Variants in PRKG1 observed in about 807,000 individuals in gnomAD.
PRKG1 encodes the protein protein kinase cGMP-dependent 1.
In PRKG1, 35 loss-of-function variants were observed where a neutral mutation model predicts 88.1. The observed-to-expected ratio is 0.40, with a 90% CI of 0.30 to 0.53. The LOEUF is 0.53. PRKG1 is among the 20% of genes least tolerant of loss of function. The probability of loss-of-function intolerance (pLI) is 0.59; values close to 1 mark genes in which losing one functional copy is unlikely to be tolerated. For missense variants in PRKG1, 540 were observed against 839.8 expected, an observed-to-expected ratio of 0.64 and a Z score of 4.41; for synonymous variants, 303 against 292.5, an observed-to-expected ratio of 1.04 and a Z score of -0.37.
intron 2 of PRKG1, among the ~76,000 whole-genome samples, chr10:51,218,374 C>T (rs1838426367): frequency 1.3e-5 from 2 of 151,312 alleles, no homozygotes; most frequent in South Asian, 2.1e-4. Flanking sequence ...ACTATGAGAT[C>T]ACAGTTGGGC....
intron 1 of PRKG1, among the ~76,000 whole-genome samples, chr10:51,150,760 C>T (rs150936994): frequency 1.5e-3 from 226 of 152,112 alleles, no homozygotes; most frequent in African/African-American, 4.0e-3. Flanking sequence ...CCTGAAATCC[C>T]GTCCTTCCCA....
At chr10:51,869,899 C>A (rs1440761285) in intron 4 of PRKG1, among the ~76,000 whole-genome samples, 2 of 151,968 alleles carry the variant, frequency 1.3e-5, no homozygotes, top group Non-Finnish European at 2.9e-5. Context: ...TGGAAAGCAA[C>A]CTAGATGTAT....
At chr10:51,997,823 C>T (rs1309833084) in intron 5 of PRKG1, among the ~76,000 whole-genome samples, 1 of 151,942 alleles carries the variant, frequency 6.6e-6, no homozygotes, top group Non-Finnish European at 1.5e-5. Flanking sequence ...TCCTTTCCTT[C>T]CCTTCTGTCC....
At chr10:51,705,249 T>C (rs1349673206) in intron 3 of PRKG1, among the ~76,000 whole-genome samples, 1 of 152,242 alleles carries the variant, frequency 6.6e-6, no homozygotes, top group East Asian at 1.9e-4. Flanking sequence ...ACTGGTTTGG[T>C]ACTCATTATC....
Position 51,129,562 on chromosome 10 carries a change from A to G in PRKG1, c.312-23602A>G, listed in dbSNP as rs145647392. Among the ~76,000 whole-genome samples, 11 of 152,352 alleles carry G rather than the reference A, an allele frequency of 7.2e-5. No individual in the cohort carries two copies. In the East Asian group the frequency reaches 2.1e-3, roughly 29 times the overall value. ...ATTTGTGGACAAAACTTTTTCACTT[A>G]TAGTTAAATTATAAGGTAGAGTCAA... is the stretch of plus-strand genomic sequence containing the variant. On this transcript the variant is annotated intron_variant, in intron 1 of 17. Transcript: ENST00000373980.
chr10:52,020,882 T>G (rs1845166258), intron 5 of PRKG1, among the ~76,000 whole-genome samples: 1 of 152,130 alleles, frequency 6.6e-6, no homozygotes, highest in Non-Finnish European at 1.5e-5. Flanking sequence ...TCTCCCTTGT[T>G]CCTGCATTCA....
chr10:52,007,594 C>T (rs1443886256), intron 5 of PRKG1, among the ~76,000 whole-genome samples: 5 of 152,134 alleles, frequency 3.3e-5, no homozygotes, highest in Non-Finnish European at 7.4e-5. Context: ...AATATATGTG[C>T]ACCCAATATA....
At position 52,247,805 on chromosome 10, in the gene PRKG1, G is replaced by A. The variant is rs915887463; in HGVS notation, c.1077-3765G>A. 2.5e-4 allele frequency among the ~76,000 whole-genome samples: 38 copies of A among 152,094 alleles called. 2 individuals are homozygous for A. The highest frequency in any genetic ancestry group is 6.3e-3 in the Middle Eastern group (2 of 316). On this transcript the variant is annotated intron_variant, in intron 9 of 17. Transcript: ENST00000373980. Reference sequence around the variant, plus strand: ...AAAAATAATCTGCCGAGACCAGCTCGGTCGGGGAGACCCTAACCCAGCGGT... The same window carrying A: ...AAAAATAATCTGCCGAGACCAGCTCAGTCGGGGAGACCCTAACCCAGCGGT...
intron 2 of PRKG1, among the ~76,000 whole-genome samples, chr10:51,213,464 A>G (rs1025903281): frequency 6.6e-6 from 1 of 152,020 alleles, no homozygotes; most frequent in African/African-American, 2.4e-5. Flanking sequence ...CTTAAAGTAT[A>G]ATAATAAAAA....
chr10:51,020,985 G>A (rs1843128852), intron 1 of PRKG1, among the ~76,000 whole-genome samples: 1 of 152,112 alleles, frequency 6.6e-6, no homozygotes, highest in Non-Finnish European at 1.5e-5. Context: ...AAGTATTTGT[G>A]TCTCAAAACT....
At chr10:51,882,513 G>T (rs1238992803) in intron 4 of PRKG1, among the ~76,000 whole-genome samples, 3 of 152,090 alleles carry the variant, frequency 2.0e-5, no homozygotes, top group African/African-American at 7.2e-5. Flanking sequence ...TATCCTTTGT[G>T]TTTAACTCTA....
intron 3 of PRKG1, among the ~76,000 whole-genome samples, chr10:51,652,051 G>T (rs1032073425): frequency 6.6e-6 from 1 of 152,012 alleles, no homozygotes; most frequent in Non-Finnish European, 1.5e-5. Context: ...CTTTAAATTT[G>T]TCTATGTATT....
At chr10:51,456,970 AC>A (rs1839603873) in intron 2 of PRKG1, among the ~76,000 whole-genome samples, 1 of 152,184 alleles carries the variant, frequency 6.6e-6, no homozygotes, top group Admixed American at 6.5e-5. Flanking sequence ...AAAAGGCAAC[AC>A]TTTTACACTG....
chr10:52,232,994 A>G (rs944165913), intron 9 of PRKG1, among the ~76,000 whole-genome samples: 4 of 152,202 alleles, frequency 2.6e-5, no homozygotes, highest in Admixed American at 2.6e-4. Context: ...TTAAGTGGAC[A>G]TTGAACATCC....
intron 7 of PRKG1, among the ~76,000 whole-genome samples, chr10:52,084,385 T>C (rs920115490): frequency 3.3e-5 from 5 of 152,038 alleles, no homozygotes; most frequent in East Asian, 1.9e-4. Context: ...AGACTCAAAT[T>C]TGAAATATTT....
At chr10:51,005,876 C>T (rs554234977) in intron 1 of PRKG1, among the ~76,000 whole-genome samples, 1 of 152,310 alleles carries the variant, frequency 6.6e-6, no homozygotes, top group East Asian at 1.9e-4. Context: ...CTCTCCCCTC[C>T]TCTCATTGTC....
At chr10:51,499,733 G>A (rs1840967712) in intron 3 of PRKG1, among the ~76,000 whole-genome samples, 1 of 152,120 alleles carries the variant, frequency 6.6e-6, no homozygotes, top group South Asian at 2.1e-4. Flanking sequence ...GCAGCCAGGA[G>A]TTCGAGATCA....
chr10:51,908,631 G>A (rs989840936), intron 5 of PRKG1: 2 of 151,682 alleles, frequency 1.3e-5, no homozygotes, highest in Admixed American at 6.6e-5. Flanking sequence ...ATAATCCAGG[G>A]AACAATAGTG....
At chr10:52,084,141 T>C (rs1846851139) in intron 7 of PRKG1, among the ~76,000 whole-genome samples, 1 of 152,012 alleles carries the variant, frequency 6.6e-6, no homozygotes, top group East Asian at 1.9e-4. Flanking sequence ...AGGAGTTCAT[T>C]AGAAGATGAT....
Sources: allele counts gnomAD v4.1 joint callset (sites outside exome capture counted in the v4.1 genomes callset), GRCh38; gene constraint gnomAD v4.1.1; transcripts MANE v1.5; gene names NCBI Gene and HGNC (gene_info 2026-07-23, HGNC 2026-07-21).